MCMBP: variants seen among roughly 807,000 people sequenced by gnomAD.
MCMBP encodes mini-chromosome maintenance complex-binding protein.
MCMBP carries 31 observed loss-of-function variants against 81.3 expected under a neutral mutation model. That is an observed-to-expected ratio of 0.38 (90% CI 0.29 to 0.51). The LOEUF (loss-of-function observed/expected upper bound fraction) is 0.51. Among genes scored for constraint, MCMBP ranks in the 20% least tolerant of loss-of-function variants. The pLI is 0.87. For missense variants in MCMBP, 645 were observed against 772.1 expected (o/e 0.84, Z 1.95); for synonymous variants, 267 against 275.9 (o/e 0.97, Z 0.32).
chr10:119,864,685 T>G (rs1051201277), intron 1 of MCMBP, among the ~76,000 whole-genome samples: 2 of 151,640 alleles, frequency 1.3e-5, no homozygotes, highest in African/African-American at 2.4e-5. Context: ...TCTGTTTAAT[T>G]TGGGTTTATT....
rs954025706 is a variant in MCMBP, at chr10:119,836,794, T to A, written c.1542+102A>T. On this transcript the variant is annotated intron_variant, in intron 13 of 15. Transcript: ENST00000369077. ...TTTTTTTTTTTTTTTTTTTTTTTTT[T>A]ACAACAAATGTAACTTATTAATAAG... 99 of 347,120 alleles carry A rather than the reference T, an allele frequency of 2.9e-4. 1 individual carries two copies. The highest frequency in any genetic ancestry group is 1.6e-3 in the African/African-American group (63 of 38,306). 21.5% of individuals were successfully genotyped at this position (347,120 alleles called of 1,614,324 possible).
chr10:119,854,659 A>G (rs913424116), intron 5 of MCMBP, among the ~76,000 whole-genome samples: 86 of 152,154 alleles, frequency 5.7e-4, no homozygotes, highest in African/African-American at 2.0e-3. Flanking sequence ...CTGTATTTAA[A>G]AAAAAAATAA....
At chr10:119,862,807 C>T (rs1853309251) in intron 1 of MCMBP, among the ~76,000 whole-genome samples, 1 of 152,194 alleles carries the variant, frequency 6.6e-6, no homozygotes, top group Admixed American at 6.5e-5. Context: ...TGTTCCCATC[C>T]TTGCCAGTAC....
intron 6 of MCMBP, among the ~76,000 whole-genome samples, chr10:119,850,314 A>T (rs1045741640): frequency 6.6e-6 from 1 of 152,196 alleles, no homozygotes; most frequent in African/African-American, 2.4e-5. Flanking sequence ...AGTGGTTGCT[A>T]GGGTCTAGAG....
Position 119,862,692 on chromosome 10 carries a change from T to C in MCMBP, c.59-2808A>G, listed in dbSNP as rs549590041. On this transcript the variant is annotated intron_variant, in intron 1 of 15. Transcript: ENST00000369077. ...ATGTGAACATGAGCTTTCATTTCTCTAGAATGAGTATCTAGATATGACACA... is the reference window on the plus strand; with the variant it reads ...ATGTGAACATGAGCTTTCATTTCTCCAGAATGAGTATCTAGATATGACACA... Among the ~76,000 whole-genome samples the C allele has an allele frequency of 2.6e-5, 4 of 152,342 alleles. No homozygotes were observed. The South Asian group carries it at 8.3e-4, about 32-fold the overall frequency.
rs1260454918 is a variant in MCMBP at position 119,831,075 on chromosome 10, CAT to C, written c.*397_*398del. 2 of 156,612 alleles carry C rather than the reference CAT, an allele frequency of 1.3e-5. No individual in the cohort carries two copies. The highest frequency in any genetic ancestry group is 2.8e-5 in the Non-Finnish European group (2 of 71,312). The allele number at this position is 156,612 out of a possible 1,614,324, so 9.7% of individuals were successfully genotyped here. ...ACTGGAAAAACAGAGAACTAGAAAA[CAT>C]AAGAAATCCGAAGCACGATTCCTCT... On this transcript the variant is annotated 3_prime_UTR_variant, in exon 16 of 16. Transcript: ENST00000369077.
At position 119,870,452 on chromosome 10, in the gene MCMBP, A is replaced by G. The variant is rs560875534; in HGVS notation, c.58+2075T>C. On this transcript the variant is annotated intron_variant, in intron 1 of 15. Transcript: ENST00000369077. ...ACAGTGCGAGACTGTCTCAAAAAAA[A>G]AAAATGCATATTTCAAAATAAAATA... 1.3e-4 allele frequency among the ~76,000 whole-genome samples: 20 copies of G among 152,310 alleles called. No homozygotes were observed. In the East Asian group the frequency reaches 2.7e-3, roughly 21 times the overall value.
intron 9 of MCMBP, 172 bp from the exon 10 acceptor site, chr10:119,842,767 C>CAT: frequency 6.2e-6 from 3 of 487,492 alleles, no homozygotes; most frequent in Non-Finnish European, 1.0e-5. Context: ...TTGCATCCTC[C>CAT]TTTTTTTTTT....
intron 7 of MCMBP, among the ~76,000 whole-genome samples, chr10:119,848,975 G>A (rs1006940581): frequency 1.3e-5 from 2 of 152,200 alleles, no homozygotes; most frequent in Admixed American, 1.3e-4. Context: ...GAATGTGCAG[G>A]TGTGATTAAA....
intron 1 of MCMBP, among the ~76,000 whole-genome samples, chr10:119,871,891 G>T (rs1853686803): frequency 6.6e-6 from 1 of 152,176 alleles, no homozygotes; most frequent in East Asian, 1.9e-4. Context: ...AGGATTCTCA[G>T]CCCTGTGTAC....
chr10:119,843,912 T>C (rs754838456), intron 8 of MCMBP, among the ~76,000 whole-genome samples: 3 of 152,168 alleles, frequency 2.0e-5, no homozygotes, highest in Non-Finnish European at 4.4e-5. Context: ...TCTGCCTGCC[T>C]TGGCCTCTCA....
chr10:119,854,102 A>T (rs1341568584), intron 5 of MCMBP, among the ~76,000 whole-genome samples: 12 of 148,422 alleles, frequency 8.1e-5, no homozygotes. Flanking sequence ...GTGCAGTGGT[A>T]CAATTTCAGC....
chr10:119,843,157 C>A, intron 9 of MCMBP, 97 bp downstream of exon 9: 1 of 1,334,462 alleles, frequency 7.5e-7, no homozygotes, highest in South Asian at 1.2e-5. Context: ...GGAATGAAGA[C>A]CTGACTCTCA....
chr10:119,859,046 C>G lies in MCMBP; in HGVS notation c.280G>C (p.Ala94Pro). 1 of 1,613,446 alleles carries G rather than the reference C, an allele frequency of 6.2e-7. No homozygotes were observed. Among genetic ancestry groups the G allele is most frequent in the Non-Finnish European group, 8.5e-7 (1 of 1,179,706 alleles). Reference protein sequence around the residue: ...VYETVNQNTKAHVLHFGKYRD... With the variant: ...VYETVNQNTKPHVLHFGKYRD... ...ATGAAAACAGCAATACTTACATGTG[C>G]TTTTGTGTTTTGGTTAACCGTTTCA... Residue 94 changes from alanine (A) to proline (P), a missense_variant, in exon 3 of 16, where the codon GCA becomes CCA. By Grantham distance (27) the Ala-to-Pro change is conservative. Coordinates refer to ENST00000369077, the MANE Select transcript of MCMBP (RefSeq NM_001256378.2).
chr10:119,839,624 C>A (rs1439272575), intron 11 of MCMBP, among the ~76,000 whole-genome samples: 2 of 151,974 alleles, frequency 1.3e-5, no homozygotes, highest in Non-Finnish European at 2.9e-5. Context: ...TTGCTTAAAC[C>A]CTTTTACAGG....
At chr10:119,860,721 A>G (rs1853225514) in intron 1 of MCMBP, among the ~76,000 whole-genome samples, 1 of 152,222 alleles carries the variant, frequency 6.6e-6, no homozygotes, top group South Asian at 2.1e-4. Context: ...TTTAAGAAGA[A>G]TAAGGTCCTT....
chr10:119,833,734 T>C (rs1000799947), intron 14 of MCMBP, among the ~76,000 whole-genome samples: 1 of 152,000 alleles, frequency 6.6e-6, no homozygotes, highest in East Asian at 1.9e-4. Context: ...GGCTCACACT[T>C]TGGGGATAAG....
chr10:119,831,916 T>G (rs1263940485), intron 15 of MCMBP, 96 bp downstream of exon 15: 45 of 1,270,066 alleles, frequency 3.5e-5, no homozygotes, highest in Admixed American at 4.8e-5. Flanking sequence ...AAAGTTCATT[T>G]CCGTTTTTAG....
chr10:119,871,568 G>A (rs1460521760), intron 1 of MCMBP, among the ~76,000 whole-genome samples: 1 of 152,142 alleles, frequency 6.6e-6, no homozygotes, highest in Non-Finnish European at 1.5e-5. Context: ...TACATTGTTT[G>A]CCGTCGATTT....
Sources: gnomAD v4.1 joint callset for allele counts (sites outside exome capture counted in the v4.1 genomes callset) on GRCh38, gnomAD v4.1.1 for gene constraint, MANE v1.5 for transcripts, NCBI Gene and HGNC (gene_info 2026-07-23, HGNC 2026-07-21) for gene names.